ELMOD3: variants seen among roughly 807,000 people sequenced by gnomAD.
The protein encoded by ELMOD3 is ELMO domain-containing protein 3.
A neutral mutation model predicts 47.4 loss-of-function variants in ELMOD3; 36 were observed. That is an observed-to-expected ratio of 0.76 (90% CI 0.58 to 1.00). The LOEUF (loss-of-function observed/expected upper bound fraction) is 1.00, where lower values mean the gene tolerates loss of function less well. ELMOD3 is among the 50% of genes least tolerant of loss of function. ELMOD3 has a pLI of 0.00. For synonymous variants in ELMOD3, 149 were observed against 183.5 expected, an observed-to-expected ratio of 0.81 and a Z score of 1.52; for missense variants, 404 against 463.8, an observed-to-expected ratio of 0.87 and a Z score of 1.18.
At chr2:85,382,468 G>C (rs948032682) in intron 11 of ELMOD3, among the ~76,000 whole-genome samples, 2 of 150,598 alleles carry the variant, frequency 1.3e-5, no homozygotes, top group African/African-American at 4.9e-5. Flanking sequence ...GGCAGGACAC[G>C]GTGTTCCTTT....
chr2:85,371,315 T>C, intron 9 of ELMOD3, 106 bp downstream of exon 9: 1 of 1,603,044 alleles, frequency 6.2e-7, no homozygotes, highest in East Asian at 2.2e-5. Context: ...TGTACCATGG[T>C]TGGCGGGTGA....
At position 85,368,428 on chromosome 2, in the gene ELMOD3, G is replaced by A. The variant is rs1394211257; in HGVS notation, c.200-258G>A. 20 of 474,406 alleles carry A rather than the reference G, an allele frequency of 4.2e-5. No homozygotes were observed. In the South Asian group the frequency reaches 4.4e-4, roughly 10 times the overall value. 29.4% of individuals were successfully genotyped at this position (474,406 alleles called of 1,614,324 possible). On this transcript the variant is annotated intron_variant, in intron 6 of 13. Coordinates refer to ENST00000409013, the MANE Select transcript of ELMOD3 (RefSeq NM_001135022.2). ...TCAGCATCAATATGGGGACCACCCGGGAGTGGGGGATCACCAGGTGGCCTA... is the reference window on the plus strand; with the variant it reads ...TCAGCATCAATATGGGGACCACCCGAGAGTGGGGGATCACCAGGTGGCCTA...
chr2:85,357,893 A>T (rs1347750896), intron 4 of ELMOD3, among the ~76,000 whole-genome samples: 1 of 152,218 alleles, frequency 6.6e-6, no homozygotes, highest in Non-Finnish European at 1.5e-5. Flanking sequence ...CAGCACAATG[A>T]ATCACCAAAT....
Position 85,357,045 on chromosome 2 carries a change from ACTGTTTTCTTACT to A in ELMOD3, c.-151_-139del. 1 of 575,052 alleles carries A rather than the reference ACTGTTTTCTTACT, an allele frequency of 1.7e-6. No individual in the cohort carries two copies. The highest frequency in any genetic ancestry group is 3.1e-6 in the Non-Finnish European group (1 of 324,676). The allele number at this position is 575,052 out of a possible 1,614,324, so 35.6% of individuals were successfully genotyped here. A position where few individuals can be genotyped will look rare whatever the true frequency, so the allele number is the denominator to read the frequency against. ...CTACACCCTCGGATGGCACAAAGGG[ACTGTTTTCTTACT>A]CTTAGTCTGAGTGACTGCCAAGGAA... On this transcript the variant is annotated 5_prime_UTR_variant, in exon 4 of 14. It introduces an in-frame stop codon into an upstream open reading frame of the 5' UTR. Transcript: ENST00000409013.
At chr2:85,355,623 A>T (rs1683493001) in intron 3 of ELMOD3, 25 bp downstream of exon 3, 1 of 152,150 alleles carries the variant, frequency 6.6e-6, no homozygotes, top group Non-Finnish European at 1.5e-5. Context: ...TCACGATTCT[A>T]TGCTACTTGG....
chr2:85,387,700 AGTT>A (rs113410695), intron 11 of ELMOD3, among the ~76,000 whole-genome samples: 1,655 of 146,710 alleles, frequency 0.011, 32 homozygotes, highest in African/African-American at 0.04. Flanking sequence ...TGTCTCTTGG[AGTT>A]GTTGTAATGA....
At chr2:85,361,604 G>A (rs1475766616) in intron 4 of ELMOD3, among the ~76,000 whole-genome samples, 1 of 152,164 alleles carries the variant, frequency 6.6e-6, no homozygotes, top group Admixed American at 6.6e-5. Context: ...TGGACACATA[G>A]AAGGGAACAA....
Position 85,368,688 on chromosome 2 carries a change from G to A in ELMOD3, c.202G>A (p.Val68Met), listed in dbSNP as rs746673570. Residue 68 changes from valine to methionine, a missense_variant and splice_region_variant, in exon 7 of 14, where the codon GTG (valine) becomes ATG (methionine). Transcript: ENST00000409013. The stretch of plus-strand genomic sequence containing the variant: ...CTCCTTTTCTCCTACTATTGCAGTT[G>A]TGAGTACAGAGGTGGTCAGAGCCCA... ...TEAYEWEPRV[V>M]STEVVRAQEE... 1.2e-6 allele frequency: 2 copies of A among 1,613,912 alleles called. No individual in the cohort carries two copies. The highest frequency in any genetic ancestry group is 1.7e-6 in the Non-Finnish European group (2 of 1,179,996).
rs869156957 is a variant in ELMOD3, at chr2:85,364,138, CT to C, written c.199+988del. On this transcript the variant is annotated intron_variant, in intron 6 of 13. Transcript: ENST00000409013. ...AAATATGAACTTTTAAAAAAATACTCTTTTTTTTTTTTTTTTGTTAGGGACA... is the reference window on the plus strand; with the variant it reads ...AAATATGAACTTTTAAAAAAATACTCTTTTTTTTTTTTTTTGTTAGGGACA... Among the ~76,000 whole-genome samples the C allele has an allele frequency of 4.9e-3, 582 of 118,660 alleles. 3 individuals are homozygous for C. Among genetic ancestry groups the C allele is most frequent in the African/African-American group, 9.9e-3 (297 of 29,982 alleles). The allele number at this position is 118,660 out of a possible 152,430, so 77.8% of individuals were successfully genotyped here.
chr2:85,389,933 G>A, intron 12 of ELMOD3, 106 bp downstream of exon 12: 1 of 1,199,784 alleles, frequency 8.3e-7, no homozygotes, highest in Non-Finnish European at 1.2e-6. Flanking sequence ...GCTCCTGGAG[G>A]GCCTGGACAA....
At position 85,377,374 on chromosome 2, in the gene ELMOD3, C is replaced by G; in HGVS notation, c.638C>G (p.Ala213Gly). Reference sequence around the variant, plus strand: ...AATCCAGCCACAGACCTGAGAGGCGCAGGCTTCCTTGCCCTCCTGCATCTG... The same window carrying G: ...AATCCAGCCACAGACCTGAGAGGCGGAGGCTTCCTTGCCCTCCTGCATCTG... ...GANPATDLRG[A>G]GFLALLHLLY... Residue 213 changes from alanine to glycine, a missense_variant, in exon 11 of 14, where the codon GCA becomes GGA. Ala to Gly is a moderately conservative substitution (Grantham distance 60, BLOSUM62 0). Coordinates refer to ENST00000409013, the MANE Select transcript of ELMOD3 (RefSeq NM_001135022.2). 1 of 1,608,884 alleles carries G rather than the reference C, an allele frequency of 6.2e-7. No individual in the cohort carries two copies. Among genetic ancestry groups the G allele is most frequent in the Non-Finnish European group, 8.5e-7 (1 of 1,177,512 alleles).
At chr2:85,390,616 A>C in intron 13 of ELMOD3, 144 bp from the exon 14 acceptor site, 1 of 1,512,080 alleles carries the variant, frequency 6.6e-7, no homozygotes, top group Non-Finnish European at 8.8e-7. Context: ...CTCTCTGGTG[A>C]TCTCTCCATC....
intron 4 of ELMOD3, among the ~76,000 whole-genome samples, chr2:85,360,639 G>C (rs1181251756): frequency 2.0e-5 from 3 of 151,982 alleles, no homozygotes; most frequent in Non-Finnish European, 2.9e-5. Flanking sequence ...ACAGGCGTGG[G>C]CTACCACACC....
At chr2:85,377,118 A>G (rs1685210912) in intron 10 of ELMOD3, among the ~76,000 whole-genome samples, 1 of 152,234 alleles carries the variant, frequency 6.6e-6, no homozygotes. Context: ...GGCAGCAGCA[A>G]GAAAACTGAT....
At chr2:85,383,329 A>G (rs1436462371) in intron 11 of ELMOD3, among the ~76,000 whole-genome samples, 1 of 151,156 alleles carries the variant, frequency 6.6e-6, no homozygotes, top group Non-Finnish European at 1.5e-5. Context: ...GGGTTTCACC[A>G]TATCATATTG....
At chr2:85,383,892 C>T (rs1428435664) in intron 11 of ELMOD3, among the ~76,000 whole-genome samples, 1 of 152,190 alleles carries the variant, frequency 6.6e-6, no homozygotes, top group Non-Finnish European at 1.5e-5. Context: ...GACACAGCCT[C>T]AGGAGGTGCT....
chr2:85,360,222 C>T (rs926614769), intron 4 of ELMOD3, among the ~76,000 whole-genome samples: 1 of 138,320 alleles, frequency 7.2e-6, no homozygotes, highest in Admixed American at 7.5e-5. Flanking sequence ...GCCGAGATTG[C>T]ACCATTGCAC....
intron 11 of ELMOD3, among the ~76,000 whole-genome samples, chr2:85,383,383 C>T (rs1035795882): frequency 2.0e-5 from 3 of 151,710 alleles, no homozygotes; most frequent in Non-Finnish European, 2.9e-5. Flanking sequence ...GTGATTGTGT[C>T]ACTGCATTCC....
chr2:85,365,087 G>T (rs1222640402), intron 6 of ELMOD3, among the ~76,000 whole-genome samples: 1 of 149,030 alleles, frequency 6.7e-6, no homozygotes, highest in Non-Finnish European at 1.5e-5. Context: ...GGGATTACAG[G>T]CATGGTGGCA....
Sources: gnomAD v4.1 joint callset for allele counts (sites outside exome capture counted in the v4.1 genomes callset) on GRCh38, gnomAD v4.1.1 for gene constraint, MANE v1.5 for transcripts, NCBI Gene and HGNC (gene_info 2026-07-23, HGNC 2026-07-21) for gene names.